The following ZNF536 variants were observed in gnomAD, a reference collection of about 807,000 sequenced individuals.
ZNF536 encodes zinc finger protein 536.
A neutral mutation model predicts 84.5 loss-of-function variants in ZNF536; 13 were observed. The ratio of observed to expected loss-of-function variants is 0.15; its 90% CI spans 0.10 to 0.24. The LOEUF (loss-of-function observed/expected upper bound fraction) is 0.24. Among genes scored for constraint, ZNF536 ranks in the 10% least tolerant of loss-of-function variants. The pLI is 1.00. For synonymous variants in ZNF536, 811 were observed against 742.5 expected (o/e 1.09, Z -1.50); for missense variants, 1,536 against 1,747.5 (o/e 0.88, Z 2.16).
intron 1 of ZNF536, among the ~76,000 whole-genome samples, chr19:30,235,249 C>T (rs140902666): frequency 3.3e-5 from 5 of 152,330 alleles, no homozygotes; most frequent in African/African-American, 1.2e-4. Context: ...GCTGCCCATG[C>T]CTGTGGCATG....
At chr19:30,564,309 A>G (rs543606611) in intron 1 of ZNF536, among the ~76,000 whole-genome samples, 166 of 152,306 alleles carry the variant, frequency 1.1e-3, no homozygotes, top group African/African-American at 3.8e-3. Context: ...AAAAAAAGAA[A>G]AAAGGAAAGG....
chr19:30,259,029 T>A (rs1198051093), intron 1 of ZNF536, among the ~76,000 whole-genome samples: 1 of 152,156 alleles, frequency 6.6e-6, no homozygotes, highest in East Asian at 1.9e-4. Context: ...AAATTTTTTA[T>A]TTTTTTATTA....
intron 1 of ZNF536, among the ~76,000 whole-genome samples, chr19:30,233,666 G>A (rs2023249470): frequency 6.6e-6 from 1 of 152,040 alleles, no homozygotes; most frequent in African/African-American, 2.4e-5. Flanking sequence ...TTGAGTATTT[G>A]CTATGTGTAA....
intron 1 of ZNF536, among the ~76,000 whole-genome samples, chr19:30,566,224 G>A (rs573565302): frequency 2.0e-5 from 3 of 152,260 alleles, no homozygotes; most frequent in African/African-American, 7.2e-5. Context: ...CCACCGGGAC[G>A]TTTTGTTCCG....
intron 2 of ZNF536, among the ~76,000 whole-genome samples, chr19:30,337,367 G>C (rs1014960518): frequency 6.6e-6 from 1 of 152,194 alleles, no homozygotes; most frequent in African/African-American, 2.4e-5. Context: ...ATGAACTGTA[G>C]ATTTTAGCTT....
chr19:30,262,547 C>T lies in ZNF536; in HGVS notation c.-189-21525C>T, dbSNP rs1385737001. On this transcript the variant is annotated intron_variant, in intron 1 of 5. Transcript: ENST00000585628. ...TTCCTGAAGTCAGTTATGCCACTGC[C>T]TCTGCGTGTGCTGCCCCAGGAAGGG... Among the ~76,000 whole-genome samples, 5 of 152,214 alleles carry T rather than the reference C, an allele frequency of 3.3e-5. No individual in the cohort carries two copies. The East Asian group carries it at 9.6e-4, about 29-fold the overall frequency.
chr19:30,650,160 A>G (rs1640568787), intron 1 of ZNF536, among the ~76,000 whole-genome samples: 1 of 152,248 alleles, frequency 6.6e-6, no homozygotes, highest in South Asian at 2.1e-4. Context: ...TTCATTGTGC[A>G]GAAAGGCTGA....
At chr19:30,634,714 A>C (rs1269858367) in intron 1 of ZNF536, among the ~76,000 whole-genome samples, 3 of 152,098 alleles carry the variant, frequency 2.0e-5, no homozygotes, top group Admixed American at 1.3e-4. Context: ...GCCAGGACTG[A>C]AGTCTGGCCC....
At chr19:30,632,415 G>C (rs1415969303) in intron 1 of ZNF536, among the ~76,000 whole-genome samples, 1 of 152,168 alleles carries the variant, frequency 6.6e-6, no homozygotes, top group African/African-American at 2.4e-5. Flanking sequence ...AGATCAGTCT[G>C]TCCAACATGG....
intron 2 of ZNF536, among the ~76,000 whole-genome samples, chr19:30,488,273 GT>G (rs2145036234): frequency 6.6e-6 from 1 of 151,948 alleles, no homozygotes; most frequent in African/African-American, 2.4e-5. Context: ...CTTTTTTTCA[GT>G]CCTGGGTTTT....
intron 1 of ZNF536, among the ~76,000 whole-genome samples, chr19:30,601,109 A>T (rs867037286): frequency 6.6e-6 from 1 of 152,200 alleles, no homozygotes; most frequent in Non-Finnish European, 1.5e-5. Flanking sequence ...GGACGCTGAA[A>T]TCTAAATTGT....
rs3084737 is a variant in ZNF536 at position 30,485,173 on chromosome 19, C to A, written c.2170+39441C>A. ...ACATAAATAAATAAATAAATAAATA[C>A]ATAAATACATAAATAAAATAAAATA... On this transcript the variant is annotated intron_variant, in intron 2 of 4. Transcript: ENST00000355537. 8.5e-4 allele frequency among the ~76,000 whole-genome samples: 97 copies of A among 113,582 alleles called. 2 individuals are homozygous for A. The highest frequency in any genetic ancestry group is 8.3e-3 in the East Asian group (25 of 3,004). 74.5% of individuals were successfully genotyped at this position (113,582 alleles called of 152,430 possible). A position where few individuals can be genotyped will look rare whatever the true frequency, so the allele number is the denominator to read the frequency against.
At chr19:30,389,347 T>C (rs770416803) in intron 1 of ZNF536, among the ~76,000 whole-genome samples, 1 of 152,132 alleles carries the variant, frequency 6.6e-6, no homozygotes, top group African/African-American at 2.4e-5. Context: ...GTTATCTTAG[T>C]GCCCTTGAAA....
At chr19:30,669,139 C>T (rs1164519295) in intron 1 of ZNF536, among the ~76,000 whole-genome samples, 1 of 152,230 alleles carries the variant, frequency 6.6e-6, no homozygotes, top group Non-Finnish European at 1.5e-5. Context: ...ACAGCAGGAG[C>T]AATTGTCCCA....
intron 1 of ZNF536, among the ~76,000 whole-genome samples, chr19:30,414,451 T>C (rs1311887734): frequency 6.6e-6 from 1 of 152,242 alleles, no homozygotes; most frequent in East Asian, 1.9e-4. Flanking sequence ...TTCTCTCTTT[T>C]ATTGCATGGA....
intron 1 of ZNF536, among the ~76,000 whole-genome samples, chr19:30,617,989 G>T (rs1252476267): frequency 6.6e-6 from 1 of 152,140 alleles, no homozygotes; most frequent in Admixed American, 6.5e-5. Flanking sequence ...TTAAGCGAAT[G>T]GAATTTTGTG....
chr19:30,410,560 C>T lies in ZNF536; in HGVS notation c.-2-33001C>T, dbSNP rs527623915. Among the ~76,000 whole-genome samples, 7 of 147,842 alleles carry T rather than the reference C, an allele frequency of 4.7e-5. No individual in the cohort carries two copies. In the South Asian group the frequency reaches 6.5e-4, roughly 14 times the overall value. On this transcript the variant is annotated intron_variant, in intron 1 of 4. Transcript: ENST00000355537. ...CGCGATCTCGGCTCACTGCAAGCTC[C>T]GCCTCCCGGGTTCACGCCATTCTCC...
chr19:30,233,339 C>CTT (rs375462948), intron 1 of ZNF536, among the ~76,000 whole-genome samples: 20 of 143,580 alleles, frequency 1.4e-4, no homozygotes, highest in African/African-American at 2.6e-4. Flanking sequence ...ATAATGATAC[C>CTT]TTTTTTTTTT....
chr19:30,463,292 G>T (rs1035190456), intron 2 of ZNF536, among the ~76,000 whole-genome samples: 1 of 152,214 alleles, frequency 6.6e-6, no homozygotes, highest in South Asian at 2.1e-4. Flanking sequence ...CAAAACCTTC[G>T]CTCATCACTA....
Sources: allele counts gnomAD v4.1 joint callset (sites outside exome capture counted in the v4.1 genomes callset), GRCh38; gene constraint gnomAD v4.1.1; transcripts MANE v1.5; gene names NCBI Gene and HGNC (gene_info 2026-07-23, HGNC 2026-07-21).